Variants in ADAMTSL1 observed in about 807,000 individuals in gnomAD.
ADAMTSL1 encodes ADAMTS-like protein 1.
In ADAMTSL1, 126 loss-of-function variants were observed where a neutral mutation model predicts 201.8. The observed-to-expected ratio is 0.62, with a 90% CI of 0.54 to 0.72. The LOEUF is 0.72. ADAMTSL1 is among the 30% of genes least tolerant of loss of function. ADAMTSL1 has a pLI of 0.00. For synonymous variants in ADAMTSL1, 1,121 were observed against 903.4 expected, an observed-to-expected ratio of 1.24 and a Z score of -4.32; for missense variants, 2,679 against 2,277.8, an observed-to-expected ratio of 1.18 and a Z score of -3.59.
intron 4 of ADAMTSL1, among the ~76,000 whole-genome samples, chr9:18,574,802 AT>A (rs765630730): frequency 1.3e-5 from 2 of 152,180 alleles, no homozygotes; most frequent in East Asian, 3.8e-4. Context: ...AGCCAGTTAA[AT>A]CTTTAAAACA....
intron 2 of ADAMTSL1, among the ~76,000 whole-genome samples, chr9:18,245,233 A>T (rs1831214514): frequency 6.6e-6 from 1 of 152,142 alleles, no homozygotes. Context: ...GTAATCTAAA[A>T]TTTTCTAATA....
At chr9:18,688,853 T>C (rs1831034805) in intron 13 of ADAMTSL1, among the ~76,000 whole-genome samples, 1 of 150,404 alleles carries the variant, frequency 6.6e-6, no homozygotes, top group Non-Finnish European at 1.5e-5. Context: ...ACTAAGACTC[T>C]GGGAGAGTTC....
chr9:18,137,091 A>C (rs887593030), intron 1 of ADAMTSL1, among the ~76,000 whole-genome samples: 2 of 152,158 alleles, frequency 1.3e-5, no homozygotes, highest in Non-Finnish European at 2.9e-5. Flanking sequence ...ACAGTTGTGA[A>C]AGATGAGGGC....
intron 23 of ADAMTSL1, among the ~76,000 whole-genome samples, chr9:18,883,821 T>C (rs1336941581): frequency 6.6e-6 from 1 of 152,256 alleles, no homozygotes; most frequent in Non-Finnish European, 1.5e-5. Context: ...CATTGATTAT[T>C]GGATATTTGA....
At chr9:18,128,576 G>A (rs942631888) in intron 1 of ADAMTSL1, among the ~76,000 whole-genome samples, 2 of 152,098 alleles carry the variant, frequency 1.3e-5, no homozygotes, top group African/African-American at 4.8e-5. Flanking sequence ...CTCCCAAAGC[G>A]CTGGGATTAT....
rs1490746326 is a variant in ADAMTSL1, at chr9:18,618,543, A to G, written c.475-3700A>G. On this transcript the variant is annotated intron_variant, in intron 4 of 28. Transcript: ENST00000380548. ...GGGTATACATGAAAAAAAAAACAAAATAATAGTGGCTTAGACACATAAAAG... is the reference window on the plus strand; with the variant it reads ...GGGTATACATGAAAAAAAAAACAAAGTAATAGTGGCTTAGACACATAAAAG... Among the ~76,000 whole-genome samples the G allele has an allele frequency of 3.3e-5, 5 of 151,970 alleles. No homozygotes were observed. The South Asian group carries it at 6.2e-4, about 19-fold the overall frequency.
At chr9:17,996,333 G>C (rs1819380355) in intron 1 of ADAMTSL1, among the ~76,000 whole-genome samples, 1 of 151,880 alleles carries the variant, frequency 6.6e-6, no homozygotes, top group Non-Finnish European at 1.5e-5. Flanking sequence ...TTACTTCCTT[G>C]GCACACAAAC....
chr9:18,191,779 C>T (rs879647361), intron 2 of ADAMTSL1, among the ~76,000 whole-genome samples: 3 of 152,134 alleles, frequency 2.0e-5, no homozygotes, highest in Non-Finnish European at 4.4e-5. Flanking sequence ...GCTTATTATT[C>T]CAGTGACTTG....
chr9:18,790,135 G>A (rs1267892319), intron 19 of ADAMTSL1, among the ~76,000 whole-genome samples: 1 of 152,180 alleles, frequency 6.6e-6, no homozygotes, highest in Non-Finnish European at 1.5e-5. Context: ...TGTTTAAACT[G>A]AGACCTTTTT....
At chr9:17,927,422 A>G (rs1195054961) in intron 1 of ADAMTSL1, among the ~76,000 whole-genome samples, 1 of 152,066 alleles carries the variant, frequency 6.6e-6, no homozygotes, top group African/African-American at 2.4e-5. Flanking sequence ...GTGTATATAC[A>G]TGTATACATA....
intron 2 of ADAMTSL1, among the ~76,000 whole-genome samples, chr9:18,354,758 A>G (rs951076438): frequency 6.6e-6 from 1 of 152,178 alleles, no homozygotes; most frequent in Non-Finnish European, 1.5e-5. Context: ...AACTGAGGTC[A>G]GGAGTTTGAG....
intron 2 of ADAMTSL1, among the ~76,000 whole-genome samples, chr9:18,320,653 A>G (rs139573962): frequency 1.3e-3 from 194 of 152,312 alleles, no homozygotes; most frequent in African/African-American, 4.2e-3. Flanking sequence ...CAAAATTCCA[A>G]CATTACATTG....
intron 2 of ADAMTSL1, among the ~76,000 whole-genome samples, chr9:18,288,599 C>T (rs1833118581): frequency 6.6e-6 from 1 of 150,834 alleles, no homozygotes; most frequent in South Asian, 2.1e-4. Flanking sequence ...GCCAGGAAGG[C>T]AAGAAGGCAG....
intron 2 of ADAMTSL1, among the ~76,000 whole-genome samples, chr9:18,304,297 C>A (rs1047615721): frequency 6.6e-6 from 1 of 151,974 alleles, no homozygotes; most frequent in Non-Finnish European, 1.5e-5. Context: ...ACTCCTGCCC[C>A]TACCCTCAAC....
chr9:17,946,760 G>A (rs1827504631), intron 1 of ADAMTSL1, among the ~76,000 whole-genome samples: 1 of 152,020 alleles, frequency 6.6e-6, no homozygotes, highest in Non-Finnish European at 1.5e-5. Context: ...TGCATTTGTA[G>A]GGAAATTTCT....
At chr9:18,546,016 T>C (rs572608660) in intron 3 of ADAMTSL1, among the ~76,000 whole-genome samples, 12 of 152,336 alleles carry the variant, frequency 7.9e-5, no homozygotes, top group African/African-American at 2.6e-4. Flanking sequence ...TGCTGGGTAC[T>C]ATAAGCAAGG....
intron 4 of ADAMTSL1, among the ~76,000 whole-genome samples, chr9:18,578,914 T>C (rs1483801780): frequency 2.6e-5 from 4 of 151,030 alleles, no homozygotes; most frequent in Admixed American, 6.6e-5. Context: ...TTTTAATGAT[T>C]GCCATTCTAA....
chr9:18,742,754 AG>A (rs1263870500), intron 15 of ADAMTSL1, among the ~76,000 whole-genome samples: 1 of 152,204 alleles, frequency 6.6e-6, no homozygotes, highest in African/African-American at 2.4e-5. Flanking sequence ...ATTCTAGAAA[AG>A]AAAAAGGGTT....
At chr9:18,254,510 C>T (rs1052796873) in intron 2 of ADAMTSL1, among the ~76,000 whole-genome samples, 1 of 151,514 alleles carries the variant, frequency 6.6e-6, no homozygotes, top group Non-Finnish European at 1.5e-5. Flanking sequence ...CTACAGGCTC[C>T]CGCCACCACG....
Sources: gnomAD v4.1 joint callset for allele counts (sites outside exome capture counted in the v4.1 genomes callset) on GRCh38, gnomAD v4.1.1 for gene constraint, MANE v1.5 for transcripts, NCBI Gene and HGNC (gene_info 2026-07-23, HGNC 2026-07-21) for gene names.